ARHGAP45: variants seen among roughly 807,000 people sequenced by gnomAD.
ARHGAP45 encodes Rho GTPase activating protein 45, also known as rho GTPase-activating protein 45.
A neutral mutation model predicts 116.1 loss-of-function variants in ARHGAP45; 56 were observed. That is an observed-to-expected ratio of 0.48 (90% CI 0.39 to 0.60). The LOEUF is 0.60. Ranked by LOEUF, ARHGAP45 falls within the 20% of genes least tolerant of loss-of-function variation. ARHGAP45 has a pLI of 0.00. For synonymous variants in ARHGAP45, 866 were observed against 701.7 expected (o/e 1.23, Z -3.70); for missense variants, 1,622 against 1,601.0 (o/e 1.01, Z -0.22).
intron 22 of ARHGAP45, 130 bp from the exon 23 acceptor site, chr19:1,085,521 TGTCTCTCCC>T: frequency 1.6e-6 from 1 of 633,044 alleles, no homozygotes; most frequent in Non-Finnish European, 2.7e-6. Context: ...CCATCTCTCC[TGTCTCTCCC>T]CATCTCTCCT....
At chr19:1,083,397 G>A in intron 21 of ARHGAP45, 44 bp downstream of exon 21, 1 of 1,478,858 alleles carries the variant, frequency 6.8e-7, no homozygotes, top group Non-Finnish European at 9.1e-7. Flanking sequence ...CGGGGCTTGG[G>A]GAGCAGGGGG....
chr19:1,077,822 G>A (rs2043297884), intron 10 of ARHGAP45, 35 bp from the exon 11 acceptor site: 1 of 1,550,816 alleles, frequency 6.4e-7, no homozygotes, highest in Non-Finnish European at 8.7e-7. Flanking sequence ...CCGAGGATAG[G>A]GTTGGAACTG....
At chr19:1,084,671 G>A (rs957718767) in intron 22 of ARHGAP45, among the ~76,000 whole-genome samples, 1 of 152,230 alleles carries the variant, frequency 6.6e-6, no homozygotes, top group African/African-American at 2.4e-5. Flanking sequence ...TTTTTCTAGA[G>A]AAGGGCGTGG....
rs755638394 is a variant in ARHGAP45, at chr19:1,085,844, GGAGGAC to G, written c.3251_3256del (p.Glu1084_Asp1085del). 11 of 1,610,276 alleles carry G rather than the reference GGAGGAC, an allele frequency of 6.8e-6. No homozygotes were observed. In the African/African-American group the frequency reaches 6.9e-5, roughly 10 times the overall value. ...AGGAGCAGCTGGAGGCCACAGCCCG[GGAGGAC>G]GGGGACGGGGACGAGGACGGCCCGG... On this transcript the variant is annotated inframe_deletion, in exon 23 of 23. Coordinates refer to ENST00000313093, the MANE Select transcript of ARHGAP45 (RefSeq NM_012292.5).
chr19:1,073,546 G>A lies in ARHGAP45; in HGVS notation c.606G>A (p.Glu202=). 3 of 1,614,080 alleles carry A rather than the reference G, an allele frequency of 1.9e-6. No individual in the cohort carries two copies. The highest frequency in any genetic ancestry group is 2.5e-6 in the Non-Finnish European group (3 of 1,180,004). ...YESNNDLEKQ[E]FEKALETIAV... Reference sequence around the variant, plus strand: ...GCAACAATGATCTGGAGAAACAGGAGTTCGAGAAGGCCCTGGAGACGATTG... The same window carrying A: ...GCAACAATGATCTGGAGAAACAGGAATTCGAGAAGGCCCTGGAGACGATTG... The change falls in exon 4 of 23, where the codon GAG becomes GAA. Residue 202 remains glutamate, a synonymous_variant. Transcript: ENST00000313093.
chr19:1,082,269 T>C (rs2043461379), intron 19 of ARHGAP45, among the ~76,000 whole-genome samples: 2 of 34,672 alleles, frequency 5.8e-5, no homozygotes. Context: ...CACCTGACGC[T>C]GTGCGGGGGC....
At chr19:1,078,729 A>G (rs1375831824) in intron 11 of ARHGAP45, among the ~76,000 whole-genome samples, 2 of 146,126 alleles carry the variant, frequency 1.4e-5, no homozygotes. Flanking sequence ...AATTATTATT[A>G]TTTTTGAGAC....
At position 1,069,917 on chromosome 19, in the gene ARHGAP45, A is replaced by G. The variant is rs2043108020; in HGVS notation, c.421+1173A>G. Among the ~76,000 whole-genome samples the G allele has an allele frequency of 6.6e-6, 1 of 151,758 alleles. No homozygotes were observed. Among genetic ancestry groups the G allele is most frequent in the African/African-American group, 2.4e-5 (1 of 41,278 alleles). On this transcript the variant is annotated intron_variant, in intron 2 of 22. Coordinates refer to ENST00000313093, the MANE Select transcript of ARHGAP45 (RefSeq NM_012292.5). This position sits in a 1 kb window ranked among gnomAD's most constrained non-coding sequence, Gnocchi z 4.1. ...CTGTTACCTTGAACTCCTGGGCTCA[A>G]GCCATCCTCCTACCTCTGCCTCCCG...
rs552712052 is a variant in ARHGAP45 at position 1,081,593 on chromosome 19, T to A, written c.2234T>A (p.Ile745Lys). 6.6e-7 allele frequency: 1 copy of A among 1,522,362 alleles called. No homozygotes were observed. The highest frequency in any genetic ancestry group is 8.8e-7 in the Non-Finnish European group (1 of 1,132,554). The allele number at this position is 1,522,362 out of a possible 1,614,324, so 94.3% of individuals were successfully genotyped here. A position where few individuals can be genotyped will look rare whatever the true frequency, so the allele number is the denominator to read the frequency against. ...AAGAAATGTCTGGAGACGCTGGCCA[T>A]ACAGTGCGGGCACAAGAAGCTGCAA... ...CHKKCLETLA[I>K]QCGHKKLQGR... is the part of the protein sequence containing the mutation. The change falls in exon 18 of 23, where the codon ATA becomes AAA. Residue 745 changes from isoleucine to lysine, a missense_variant. This residue lies in a region of ARHGAP45 where 1,334 missense variants were observed against 1,263.8 expected (regional missense o/e 1.06). Transcript: ENST00000313093.
rs2043049780 is a variant in ARHGAP45 at position 1,067,177 on chromosome 19, G to A, written c.-229G>A. On this transcript the variant is annotated 5_prime_UTR_variant, in exon 1 of 23. Transcript: ENST00000313093. Reference sequence around the variant, plus strand: ...CTCACCTTCGCGCCCACTCCGCAGAGCCGCAGGCTGAGGCCGGGAAGGGTC... The same window carrying A: ...CTCACCTTCGCGCCCACTCCGCAGAACCGCAGGCTGAGGCCGGGAAGGGTC... 3.8e-6 allele frequency: 5 copies of A among 1,299,068 alleles called. No individual in the cohort carries two copies. The highest frequency in any genetic ancestry group is 4.3e-5 in the Admixed American group (1 of 23,358). 80.5% of individuals were successfully genotyped at this position (1,299,068 alleles called of 1,614,324 possible).
At chr19:1,083,527 C>T (rs1248693454) in intron 21 of ARHGAP45, among the ~76,000 whole-genome samples, 174 bp downstream of exon 21, 3 of 152,182 alleles carry the variant, frequency 2.0e-5, no homozygotes, top group East Asian at 1.9e-4. Flanking sequence ...AAAAACTCAG[C>T]GAGGTCTGCA....
chr19:1,066,372 CG>C (rs2043031487), upstream of ARHGAP45: 1 of 576,728 alleles, frequency 1.7e-6, no homozygotes, highest in Non-Finnish European at 3.1e-6. Context: ...TTATCAGCAA[CG>C]GGTGCCTGCG....
In ARHGAP45 at chr19:1,077,861, A is replaced by G. The variant is rs1182395627; in HGVS notation, c.1190A>G (p.Glu397Gly). 1 of 1,552,970 alleles carries G rather than the reference A, an allele frequency of 6.4e-7. No individual in the cohort carries two copies. The highest frequency in any genetic ancestry group is 2.0e-5 in the Admixed American group (1 of 51,222). ...AWHRAQRKLQ[E>G]AESNLRKAKQ... Reference sequence around the variant, plus strand: ...TCCTGGCTCCCACACCCACAGCAAGAGGCGGAGTCCAACCTGCGCAAGGCC... The same window carrying G: ...TCCTGGCTCCCACACCCACAGCAAGGGGCGGAGTCCAACCTGCGCAAGGCC... Residue 397 changes from glutamate to glycine, a missense_variant, in exon 11 of 23, where the codon GAG becomes GGG. This residue lies in a region of ARHGAP45 where 1,334 missense variants were observed against 1,263.8 expected (regional missense o/e 1.06). Coordinates refer to ENST00000313093, the MANE Select transcript of ARHGAP45 (RefSeq NM_012292.5).
At position 1,084,361 on chromosome 19, in the gene ARHGAP45, G is replaced by A. The variant is rs763383538; in HGVS notation, c.3064+15G>A. 3.8e-6 allele frequency: 6 copies of A among 1,591,382 alleles called. No individual in the cohort carries two copies. The South Asian group carries it at 4.5e-5, about 12-fold the overall frequency. Reference sequence around the variant, plus strand: ...CGGGTGCAGAGGTGAGTGTGTGGCTGCCCGAACGGCCCCAAGGGAGGCTGG... The same window carrying A: ...CGGGTGCAGAGGTGAGTGTGTGGCTACCCGAACGGCCCCAAGGGAGGCTGG... On this transcript the variant is annotated intron_variant, in intron 22 of 22. Transcript: ENST00000313093.
intron 9 of ARHGAP45, 33 bp from the exon 10 acceptor site, chr19:1,074,766 C>A: frequency 3.1e-6 from 5 of 1,598,400 alleles, no homozygotes; most frequent in Non-Finnish European, 4.3e-6. Flanking sequence ...GGGGTGTCAC[C>A]GGGGTACCCA....
chr19:1,080,498 G>A lies in ARHGAP45; in HGVS notation c.1863G>A (p.Pro621=), dbSNP rs1376057240. The A allele has an allele frequency of 5.6e-6, 9 of 1,612,888 alleles. No individual in the cohort carries two copies. Among genetic ancestry groups the A allele is most frequent in the Non-Finnish European group, 6.8e-6 (8 of 1,179,968 alleles). The change falls in exon 15 of 23, where the codon CCG becomes CCA. Residue 621 remains proline, a synonymous_variant. Coordinates refer to ENST00000313093, the MANE Select transcript of ARHGAP45 (RefSeq NM_012292.5). ...GRGHQVHKSW[P]LSISDSDSGL... ...GACACCAGGTTCACAAGTCATGGCCGCTCTCGATCTCAGACTCGGACAGTG... is the reference window on the plus strand; with the variant it reads ...GACACCAGGTTCACAAGTCATGGCCACTCTCGATCTCAGACTCGGACAGTG...
At position 1,071,197 on chromosome 19, in the gene ARHGAP45, A is replaced by G; in HGVS notation, c.422-1952A>G. On this transcript the variant is annotated intron_variant, in intron 2 of 22. Coordinates refer to ENST00000313093, the MANE Select transcript of ARHGAP45 (RefSeq NM_012292.5). This position sits in a 1 kb window ranked among gnomAD's most constrained non-coding sequence, Gnocchi z 4.6. ...TCCCTCGCGGGGGCGGGGCCTCCTG[A>G]CCGGCCGGAGCCGGTTTGGCCACCG... 1.4e-6 allele frequency: 2 copies of G among 1,387,330 alleles called. No individual in the cohort carries two copies. Among genetic ancestry groups the G allele is most frequent in the Non-Finnish European group, 1.9e-6 (2 of 1,072,946 alleles). 85.9% of individuals were successfully genotyped at this position (1,387,330 alleles called of 1,614,324 possible). A position where few individuals can be genotyped will look rare whatever the true frequency, so the allele number is the denominator to read the frequency against.
intron 10 of ARHGAP45, among the ~76,000 whole-genome samples, 156 bp downstream of exon 10, chr19:1,075,035 C>CG (rs2043216937): frequency 1.4e-5 from 2 of 140,184 alleles, no homozygotes; most frequent in Non-Finnish European, 3.1e-5. Flanking sequence ...CCGCCCCCCC[C>CG]AACGCCAAGC....
chr19:1,084,294 G>C lies in ARHGAP45; in HGVS notation c.3012G>C (p.Ala1004=), dbSNP rs781178469. The change falls in exon 22 of 23, where the codon GCG becomes GCC. Residue 1004 remains alanine (A), a synonymous_variant. Coordinates refer to ENST00000313093, the MANE Select transcript of ARHGAP45 (RefSeq NM_012292.5). ...EVVVQVPYLE[A]GEAVVYPLQE... is the part of the protein sequence containing the mutation. ...TCGTCCAGGTGCCGTACCTGGAGGC[G>C]GGCGAGGCGGTGGTCTACCCGCTGC... 2 of 1,612,918 alleles carry C rather than the reference G, an allele frequency of 1.2e-6. No homozygotes were observed. The highest frequency in any genetic ancestry group is 1.3e-5 in the African/African-American group (1 of 74,962).
Sources: gnomAD v4.1 joint callset for allele counts (sites outside exome capture counted in the v4.1 genomes callset) on GRCh38, gnomAD v4.1.1 for gene constraint, gnomAD v4.1.1 regional missense constraint, Gnocchi (gnomAD v3.1) non-coding constraint, MANE v1.5 for transcripts, NCBI Gene and HGNC (gene_info 2026-07-23, HGNC 2026-07-21) for gene names.